Variants in DHX36 observed in about 807,000 individuals in gnomAD.
DHX36 encodes DEAH-box helicase 36.
A neutral mutation model predicts 139.0 loss-of-function variants in DHX36; 50 were observed. The ratio of observed to expected loss-of-function variants is 0.36; its 90% CI spans 0.29 to 0.46. The LOEUF (loss-of-function observed/expected upper bound fraction) is 0.46, where lower values mean the gene tolerates loss of function less well. Among genes scored for constraint, DHX36 ranks in the 20% least tolerant of loss-of-function variants. The probability of loss-of-function intolerance (pLI) is 1.00; values close to 1 mark genes in which losing one functional copy is unlikely to be tolerated. For synonymous variants in DHX36, 425 were observed against 401.9 expected (o/e 1.06, Z -0.69); for missense variants, 1,024 against 1,211.3 (o/e 0.85, Z 2.29).
intron 19 of DHX36, 24 bp from the exon 20 acceptor site, chr3:154,283,295 A>G (rs1719386414): frequency 6.5e-7 from 1 of 1,531,386 alleles, no homozygotes; most frequent in Non-Finnish European, 9.0e-7. Context: ...AAATGAAGAA[A>G]TCTATATTTC....
chr3:154,280,157 T>G, intron 22 of DHX36: 1 of 156,604 alleles, frequency 6.4e-6, no homozygotes, highest in Non-Finnish European at 1.4e-5. Flanking sequence ...TGAGGCTACC[T>G]GTAAATATAT....
chr3:154,300,522 G>GT, intron 11 of DHX36, 72 bp downstream of exon 11: 1 of 1,207,486 alleles, frequency 8.3e-7, no homozygotes, highest in African/African-American at 1.5e-5. Context: ...TAAGAAAACT[G>GT]TATTTTTCAT....
intron 19 of DHX36, among the ~76,000 whole-genome samples, 190 bp from the exon 20 acceptor site, chr3:154,283,461 A>G (rs895418901): frequency 3.3e-5 from 5 of 152,128 alleles, no homozygotes; most frequent in African/African-American, 4.8e-5. Context: ...TCCTTAAGAG[A>G]CAACCACCAC....
At chr3:154,281,166 A>G (rs1214413804) in intron 20 of DHX36, among the ~76,000 whole-genome samples, 1 of 152,138 alleles carries the variant, frequency 6.6e-6, no homozygotes, top group Non-Finnish European at 1.5e-5. Flanking sequence ...TTTTCACAGA[A>G]AAAGTTTGCA....
rs1239866886 is a variant in DHX36, at chr3:154,305,181, G to T, written c.894-13C>A. 2 of 1,606,568 alleles carry T rather than the reference G, an allele frequency of 1.2e-6. No homozygotes were observed. Among genetic ancestry groups the T allele is most frequent in the Non-Finnish European group, 1.7e-6 (2 of 1,176,538 alleles). On this transcript the variant is annotated splice_polypyrimidine_tract_variant and intron_variant, in intron 6 of 24. Coordinates refer to ENST00000496811, the MANE Select transcript of DHX36 (RefSeq NM_020865.3). The stretch of plus-strand genomic sequence containing the variant: ...CCTTGGCAACCGACTGTGAATGAAA[G>T]ACATGAATTAATAAGCCTTGGTTTT...
chr3:154,289,571 C>G, intron 16 of DHX36, 138 bp downstream of exon 16: 1 of 629,390 alleles, frequency 1.6e-6, no homozygotes, highest in South Asian at 2.1e-5. Flanking sequence ...TTTAAACACA[C>G]AATTTACTAA....
At position 154,284,836 on chromosome 3, in the gene DHX36, TTGAAAC is replaced by T; in HGVS notation, c.2177_2182del (p.Ser726_Phe727del). ...TACCAGTGGAATGACAAATGGATCT[TTGAAAC>T]TGAGACTAGCAGCAATAGTGAGTAC... On this transcript the variant is annotated inframe_deletion, in exon 18 of 25. Transcript: ENST00000496811. 1 of 1,613,900 alleles carries T rather than the reference TTGAAAC, an allele frequency of 6.2e-7. No individual in the cohort carries two copies. Among genetic ancestry groups the T allele is most frequent in the South Asian group, 1.1e-5 (1 of 90,976 alleles).
intron 10 of DHX36, 66 bp from the exon 11 acceptor site, chr3:154,300,762 C>A (rs1406092970): frequency 1.4e-5 from 20 of 1,432,668 alleles, no homozygotes; most frequent in Non-Finnish European, 2.0e-5. Flanking sequence ...GCTACAAAAG[C>A]TTAAAATTAA....
intron 3 of DHX36, among the ~76,000 whole-genome samples, chr3:154,313,714 AG>A (rs1712857399): frequency 6.6e-6 from 1 of 152,174 alleles, no homozygotes. Context: ...ACACATATAT[AG>A]CACAGTAACT....
At position 154,299,531 on chromosome 3, in the gene DHX36, TAAAG is replaced by T. The variant is rs567319070; in HGVS notation, c.1549+303_1549+306del. ...TGATGGGGTCTAGGTATCTGAATCT[TAAAG>T]AAGCTCCATGGGTGACTCTGTTGTA... On this transcript the variant is annotated intron_variant, in intron 12 of 24. Coordinates refer to ENST00000496811, the MANE Select transcript of DHX36 (RefSeq NM_020865.3). 1.5e-3 allele frequency among the ~76,000 whole-genome samples: 223 copies of T among 152,258 alleles called. 1 individual carries two copies. Among genetic ancestry groups the T allele is most frequent in the Middle Eastern group, 3.4e-3 (1 of 294 alleles).
chr3:154,300,946 T>A, intron 10 of DHX36, 41 bp downstream of exon 10: 1 of 1,603,066 alleles, frequency 6.2e-7, no homozygotes, highest in Non-Finnish European at 8.5e-7. Flanking sequence ...TTTTGTTTTA[T>A]TTAGCCACTG....
At chr3:154,284,714 T>C (rs923560979) in intron 18 of DHX36, 45 bp from the exon 19 acceptor site, 7 of 1,594,970 alleles carry the variant, frequency 4.4e-6, no homozygotes, top group African/African-American at 4.0e-5. Context: ...TCTGATGCTA[T>C]AATGGAGAAT....
At chr3:154,306,718 G>T (rs1297431508) in intron 5 of DHX36, among the ~76,000 whole-genome samples, 1 of 152,118 alleles carries the variant, frequency 6.6e-6, no homozygotes, top group Non-Finnish European at 1.5e-5. Flanking sequence ...GTCATGTTTT[G>T]AAAGTTATGA....
rs1003226195 is a variant in DHX36, at chr3:154,275,685, C to T, written c.*486G>A. The T allele has an allele frequency of 2.6e-5, 4 of 152,556 alleles. No individual in the cohort carries two copies. The highest frequency in any genetic ancestry group is 4.8e-5 in the African/African-American group (2 of 41,422). The allele number at this position is 152,556 out of a possible 1,614,324, so 9.5% of individuals were successfully genotyped here. A position where few individuals can be genotyped will look rare whatever the true frequency, so the allele number is the denominator to read the frequency against. On this transcript the variant is annotated 3_prime_UTR_variant, in exon 25 of 25. Coordinates refer to ENST00000496811, the MANE Select transcript of DHX36 (RefSeq NM_020865.3). ...AGGTTGGCTGAGATTTAACATTGTA[C>T]ATTTTATTAAATACTGGACTTTATT...
Position 154,315,294 on chromosome 3 carries a change from A to G in DHX36, c.369-14T>C, listed in dbSNP as rs766301669. On this transcript the variant is annotated splice_polypyrimidine_tract_variant and intron_variant, in intron 2 of 24. Transcript: ENST00000496811. ...TCAGTACCGTATCTGTTTTGACAAA[A>G]TAAGAAAGGAAGAAAGGTCAGATGA... The G allele has an allele frequency of 1.3e-6, 2 of 1,589,736 alleles. No homozygotes were observed. The highest frequency in any genetic ancestry group is 3.5e-5 in the Admixed American group (2 of 57,148).
chr3:154,314,236 G>A (rs1324115344), intron 3 of DHX36, among the ~76,000 whole-genome samples: 1 of 152,120 alleles, frequency 6.6e-6, no homozygotes, highest in African/African-American at 2.4e-5. Context: ...TTTGGCCCTG[G>A]ACAACCTCAG....
Position 154,324,412 on chromosome 3 carries a change from C to T in DHX36, c.5G>A (p.Ser2Asn), listed in dbSNP as rs1440204061. 1.3e-6 allele frequency: 2 copies of T among 1,523,242 alleles called. No homozygotes were observed. Among genetic ancestry groups the T allele is most frequent in the East Asian group, 2.3e-5 (1 of 43,000 alleles). 94.4% of individuals were successfully genotyped at this position (1,523,242 alleles called of 1,614,324 possible). A position where few individuals can be genotyped will look rare whatever the true frequency, so the allele number is the denominator to read the frequency against. ...GCCCCAGTTCTGATGGTAGTCATAA[C>T]TCATTGTCCTGGCAGACTACAACCC... is the stretch of plus-strand genomic sequence containing the variant. M[S>N]YDYHQNWGRD... The change falls in exon 1 of 25, where the codon AGT becomes AAT. Residue 2 changes from serine to asparagine, a missense_variant. Transcript: ENST00000496811.
rs1576887772 is a variant in DHX36, at chr3:154,323,395, G to A, written c.243+779C>T. ...TACACTCTATAATACATTTTATAAGGTGCTTTTAAAAAGTCACCAAAGGCC... is the reference window on the plus strand; with the variant it reads ...TACACTCTATAATACATTTTATAAGATGCTTTTAAAAAGTCACCAAAGGCC... On this transcript the variant is annotated intron_variant, in intron 1 of 24. Transcript: ENST00000496811. 2.6e-5 allele frequency among the ~76,000 whole-genome samples: 4 copies of A among 151,706 alleles called. No homozygotes were observed. In the South Asian group the frequency reaches 6.2e-4, roughly 24 times the overall value.
chr3:154,324,106 A>C, intron 1 of DHX36, 68 bp downstream of exon 1: 1 of 1,467,884 alleles, frequency 6.8e-7, no homozygotes. Context: ...ACCAAGAAAA[A>C]GGGGGCAGCG....
Sources: allele counts gnomAD v4.1 joint callset (sites outside exome capture counted in the v4.1 genomes callset), GRCh38; gene constraint gnomAD v4.1.1; transcripts MANE v1.5; gene names NCBI Gene and HGNC (gene_info 2026-07-23, HGNC 2026-07-21).